AFG1L: variants seen among roughly 807,000 people sequenced by gnomAD.
The protein encoded by AFG1L is AFG1 like ATPase.
A neutral mutation model predicts 62.2 loss-of-function variants in AFG1L; 53 were observed. The ratio of observed to expected loss-of-function variants is 0.85; its 90% confidence interval spans 0.68 to 1.07. The LOEUF (loss-of-function observed/expected upper bound fraction) is 1.07. AFG1L is among the 50% of genes least tolerant of loss of function. The pLI, the probability that AFG1L is intolerant of heterozygous loss-of-function variation, is 0.00. For synonymous variants in AFG1L, 228 were observed against 210.3 expected (o/e 1.08, Z -0.73); for missense variants, 555 against 590.5 (o/e 0.94, Z 0.62).
In AFG1L at chr6:108,330,186, T is replaced by A. The variant is rs111456717; in HGVS notation, c.363+6138T>A. Among the ~76,000 whole-genome samples, 1,189 of 130,624 alleles carry A rather than the reference T, an allele frequency of 9.1e-3. 8 individuals carry two copies. The highest frequency in any genetic ancestry group is 0.015 in the South Asian group (64 of 4,202). 85.7% of individuals were successfully genotyped at this position (130,624 alleles called of 152,430 possible). On this transcript the variant is annotated intron_variant, in intron 2 of 12. Transcript: ENST00000368977. ...TAAGAAATAAATTCCTTTTTTATTT[T>A]TTTTTTTTTTTTGCGACTGAGTCTC...
intron 2 of AFG1L, chr6:108,344,746 C>T (rs1182097487): frequency 2.1e-6 from 1 of 471,156 alleles, no homozygotes; most frequent in Non-Finnish European, 4.4e-6. Context: ...GAACTCACTC[C>T]ACCCTGTCAT....
Position 108,372,821 on chromosome 6 carries a change from G to A in AFG1L, c.748+6489G>A, listed in dbSNP as rs144994035. 9.3e-3 allele frequency: 1,421 copies of A among 153,608 alleles called. 13 individuals carry two copies. The highest frequency in any genetic ancestry group is 0.013 in the Non-Finnish European group (882 of 68,070). 9.5% of individuals were successfully genotyped at this position (153,608 alleles called of 1,614,324 possible). On this transcript the variant is annotated intron_variant, in intron 6 of 12. Transcript: ENST00000368977. ...GATAAAAAGAGTGATTCTCAGCAGGGCCATGTACAGGAGGAAGTTCTATAT... is the reference window on the plus strand; with the variant it reads ...GATAAAAAGAGTGATTCTCAGCAGGACCATGTACAGGAGGAAGTTCTATAT...
At chr6:108,391,058 G>A (rs947779432) in intron 6 of AFG1L, among the ~76,000 whole-genome samples, 6 of 152,164 alleles carry the variant, frequency 3.9e-5, no homozygotes, top group African/African-American at 9.7e-5. Flanking sequence ...TTGCAATTGC[G>A]AATTGTGCTG....
At chr6:108,395,359 T>C (rs2114608342) in intron 6 of AFG1L, among the ~76,000 whole-genome samples, 1 of 152,070 alleles carries the variant, frequency 6.6e-6, no homozygotes, top group Admixed American at 6.5e-5. Context: ...ATCTGTGTTT[T>C]TTATTATTGA....
In AFG1L at chr6:108,471,456, C is replaced by T. The variant is rs1357916865; in HGVS notation, c.891-5409C>T. ...TGTTTCATTTAAATTGATGTTCTAT[C>T]GTGTTCTTCTTCTTTTTTTTTTTTT... On this transcript the variant is annotated intron_variant, in intron 8 of 12. Coordinates refer to ENST00000368977, the MANE Select transcript of AFG1L (RefSeq NM_145315.5). Among the ~76,000 whole-genome samples the T allele has an allele frequency of 8.7e-5, 12 of 137,688 alleles. 1 individual carries two copies. Among genetic ancestry groups the T allele is most frequent in the South Asian group, 4.8e-4 (2 of 4,188 alleles). 90.3% of individuals were successfully genotyped at this position (137,688 alleles called of 152,430 possible). A position where few individuals can be genotyped will look rare whatever the true frequency, so the allele number is the denominator to read the frequency against.
intron 6 of AFG1L, among the ~76,000 whole-genome samples, chr6:108,369,295 A>G (rs1779889955): frequency 6.6e-6 from 1 of 152,186 alleles, no homozygotes; most frequent in Admixed American, 6.5e-5. Flanking sequence ...TGGTGGTTAC[A>G]TGTGCTAAAA....
At chr6:108,419,548 G>A (rs544761519) in intron 7 of AFG1L, among the ~76,000 whole-genome samples, 3 of 152,054 alleles carry the variant, frequency 2.0e-5, no homozygotes, top group Admixed American at 6.6e-5. Flanking sequence ...CATTTGGAAG[G>A]CATCACTATC....
intron 6 of AFG1L, chr6:108,387,798 A>G (rs1295604405): frequency 6.6e-6 from 1 of 152,236 alleles, no homozygotes; most frequent in Non-Finnish European, 1.5e-5. Context: ...CTATTATCAC[A>G]AAGGAGAAGT....
chr6:108,346,928 T>C, intron 2 of AFG1L, 60 bp from the exon 3 acceptor site: 2 of 1,247,866 alleles, frequency 1.6e-6, no homozygotes, highest in East Asian at 2.3e-5. Flanking sequence ...GAAGACTATG[T>C]ATATGATTAT....
chr6:108,303,732 T>C (rs1777096854), intron 1 of AFG1L, among the ~76,000 whole-genome samples: 1 of 152,236 alleles, frequency 6.6e-6, no homozygotes. Context: ...TTCTTCATAA[T>C]ATCATTTAAA....
In AFG1L at chr6:108,509,783, A is replaced by T. The variant is rs542087795; in HGVS notation, c.1063-429A>T. 5.3e-5 allele frequency among the ~76,000 whole-genome samples: 8 copies of T among 152,316 alleles called. No homozygotes were observed. The South Asian group carries it at 1.4e-3, about 28-fold the overall frequency. On this transcript the variant is annotated intron_variant, in intron 10 of 12. Coordinates refer to ENST00000368977, the MANE Select transcript of AFG1L (RefSeq NM_145315.5). ...ATAGTGAAAACAATCCCCAAAAGGGAGAGAGGGGAGGGCAAAATACAGTGT... is the reference window on the plus strand; with the variant it reads ...ATAGTGAAAACAATCCCCAAAAGGGTGAGAGGGGAGGGCAAAATACAGTGT...
chr6:108,454,968 T>G (rs1284203593), intron 8 of AFG1L, among the ~76,000 whole-genome samples: 2 of 152,140 alleles, frequency 1.3e-5, no homozygotes, highest in Non-Finnish European at 2.9e-5. Flanking sequence ...GAACAAGAGA[T>G]AGAATTTCTG....
At chr6:108,485,645 T>TTTTTTAA (rs1773525202) in intron 10 of AFG1L, among the ~76,000 whole-genome samples, 3 of 20,882 alleles carry the variant, frequency 1.4e-4, no homozygotes, top group Admixed American at 9.8e-4. Flanking sequence ...TATATATATA[T>TTTTTTAA]ATATATATAT....
chr6:108,425,482 C>T (rs1218777790), intron 7 of AFG1L, among the ~76,000 whole-genome samples: 1 of 151,920 alleles, frequency 6.6e-6, no homozygotes, highest in Non-Finnish European at 1.5e-5. Context: ...ACTTATCCCA[C>T]CACCTTATTA....
intron 8 of AFG1L, among the ~76,000 whole-genome samples, chr6:108,453,951 C>G (rs886421313): frequency 1.3e-5 from 2 of 152,176 alleles, no homozygotes; most frequent in Non-Finnish European, 2.9e-5. Context: ...CCAGTGCAAG[C>G]AACTTGAAAA....
intron 10 of AFG1L, among the ~76,000 whole-genome samples, chr6:108,486,632 C>G (rs1773585493): frequency 2.0e-5 from 3 of 152,104 alleles, no homozygotes; most frequent in Admixed American, 1.3e-4. Flanking sequence ...ATTCTTTTCT[C>G]TTTTATTGTT....
At chr6:108,511,173 G>A (rs1774638397) in intron 11 of AFG1L, among the ~76,000 whole-genome samples, 1 of 151,702 alleles carries the variant, frequency 6.6e-6, no homozygotes, top group Non-Finnish European at 1.5e-5. Context: ...AAGGAAGAAG[G>A]AAGAAGGAAG....
At chr6:108,465,801 TTAAC>T (rs1315040193) in intron 8 of AFG1L, among the ~76,000 whole-genome samples, 2 of 152,186 alleles carry the variant, frequency 1.3e-5, no homozygotes, top group Non-Finnish European at 2.9e-5. Context: ...TGTTTCTAGA[TTAAC>T]TATTTTGTTT....
chr6:108,516,809 G>A (rs945493650), intron 11 of AFG1L, among the ~76,000 whole-genome samples: 58 of 152,102 alleles, frequency 3.8e-4, no homozygotes, highest in African/African-American at 1.4e-3. Context: ...CAAAGTCTCA[G>A]GATACAAAAT....
Sources: gnomAD v4.1 joint callset for allele counts (sites outside exome capture counted in the v4.1 genomes callset) on GRCh38, gnomAD v4.1.1 for gene constraint, MANE v1.5 for transcripts, NCBI Gene and HGNC (gene_info 2026-07-23, HGNC 2026-07-21) for gene names.